CACNG7: variants seen among roughly 807,000 people sequenced by gnomAD.
CACNG7 encodes the protein calcium voltage-gated channel auxiliary subunit gamma 7.
In CACNG7, 9 loss-of-function variants were observed where a neutral mutation model predicts 26.3. The observed-to-expected ratio is 0.34, with a 90% CI of 0.21 to 0.60. The LOEUF is 0.60. CACNG7 is among the 20% of genes least tolerant of loss of function. CACNG7 has a pLI of 0.81. For synonymous variants in CACNG7, 170 were observed against 157.0 expected, an observed-to-expected ratio of 1.08 and a Z score of -0.62; for missense variants, 297 against 380.4, an observed-to-expected ratio of 0.78 and a Z score of 1.82.
Position 53,942,232 on chromosome 19 carries a change from A to T in CACNG7, c.767A>T (p.Gln256Leu). ...AGCGACGTGTCCATCCAAATGACGCAGAACTACCCTCCCGCCATCAAGTAC... is the reference window on the plus strand; with the variant it reads ...AGCGACGTGTCCATCCAAATGACGCTGAACTACCCTCCCGCCATCAAGTAC... ...ISSDVSIQMTQNYPPAIKYPD... is the reference protein window; with the variant it reads ...ISSDVSIQMTLNYPPAIKYPD... Residue 256 changes from glutamine (Q) to leucine (L), a missense_variant, in exon 6 of 6, where the codon CAG (glutamine) becomes CTG (leucine). Transcript: ENST00000391767. The surrounding 1 kb of genome is among the most constrained non-coding windows in gnomAD (Gnocchi z 5.9). 1 of 1,613,964 alleles carries T rather than the reference A, an allele frequency of 6.2e-7. No individual in the cohort carries two copies. Among genetic ancestry groups the T allele is most frequent in the Non-Finnish European group, 8.5e-7 (1 of 1,179,928 alleles).
intron 5 of CACNG7, 137 bp downstream of exon 5, chr19:53,941,752 C>G: frequency 8.8e-7 from 1 of 1,136,874 alleles, no homozygotes; most frequent in Non-Finnish European, 1.2e-6. Flanking sequence ...GAGGGTCTAA[C>G]CCCTGGGTCC....
At chr19:53,926,504 T>C (rs947998029) in intron 4 of CACNG7, among the ~76,000 whole-genome samples, 6 of 152,182 alleles carry the variant, frequency 3.9e-5, no homozygotes, top group African/African-American at 1.4e-4. Context: ...GTACCTAGTA[T>C]TCCCTTACCC....
At chr19:53,911,855 T>A (rs1411215416) in intron 1 of CACNG7, among the ~76,000 whole-genome samples, 1 of 152,022 alleles carries the variant, frequency 6.6e-6, no homozygotes, top group Admixed American at 6.6e-5. Flanking sequence ...TGGGTCAAGT[T>A]CTTGGTGTTA....
Position 53,942,216 on chromosome 19 carries a change from T to C in CACNG7, c.751T>C (p.Ser251Pro), listed in dbSNP as rs1459530779. 3 of 1,613,778 alleles carry C rather than the reference T, an allele frequency of 1.9e-6. No homozygotes were observed. In the Admixed American group the frequency reaches 5.0e-5, roughly 27 times the overall value. ...RSPSDISSDV[S>P]IQMTQNYPPA... ...CCCCTCCGACATCTCCAGCGACGTG[T>C]CCATCCAAATGACGCAGAACTACCC... is the stretch of plus-strand genomic sequence containing the variant. The change falls in exon 6 of 6, where the codon TCC (serine) becomes CCC (proline). Residue 251 changes from serine to proline, a missense_variant. Coordinates refer to ENST00000391767, the MANE Select transcript of CACNG7 (RefSeq NM_031896.5). The surrounding 1 kb of genome is among the most constrained non-coding windows in gnomAD (Gnocchi z 5.9).
chr19:53,916,135 T>C (rs2068895851), intron 4 of CACNG7, among the ~76,000 whole-genome samples: 1 of 152,256 alleles, frequency 6.6e-6, no homozygotes, highest in African/African-American at 2.4e-5. Context: ...CCTTATTGTC[T>C]AGATGCATTT....
chr19:53,942,036 G>T lies in CACNG7; in HGVS notation c.571G>T (p.Gly191Trp). ...GGACTCTGACCTTGCCTTGCCGCAG[G>T]GGGCCGGCGTGATGTCCGTGTACCT... ...FAASSFLLKE[G>W]AGVMSVYLFT... The change falls in exon 6 of 6, where the codon GGG becomes TGG. Residue 191 changes from glycine to tryptophan, a missense_variant and splice_region_variant. Physicochemically the swap from Gly to Trp is radical, Grantham distance 184. Coordinates refer to ENST00000391767, the MANE Select transcript of CACNG7 (RefSeq NM_031896.5). This position sits in a 1 kb window ranked among gnomAD's most constrained non-coding sequence, Gnocchi z 5.9. 6.3e-7 allele frequency: 1 copy of T among 1,584,726 alleles called. No homozygotes were observed. The highest frequency in any genetic ancestry group is 8.6e-7 in the Non-Finnish European group (1 of 1,160,576).
chr19:53,931,708 AG>A (rs1472571704), intron 4 of CACNG7, among the ~76,000 whole-genome samples: 17 of 145,564 alleles, frequency 1.2e-4, no homozygotes, highest in South Asian at 2.2e-4. Flanking sequence ...AAAAAAAAAA[AG>A]AAAGGAAAAA....
chr19:53,941,542 G>C lies in CACNG7; in HGVS notation c.497G>C (p.Ser166Thr), dbSNP rs1433863031. Residue 166 changes from serine to threonine, a missense_variant, in exon 5 of 6, where the codon AGC becomes ACC. Physicochemically the swap from Ser to Thr is moderately conservative, Grantham distance 58 (BLOSUM62 1). Transcript: ENST00000391767. ...GACGAGGTCATGAACAGGCCCAGCA[G>C]CTCTGAGCAGTATTTTCATTATCGC... ...INDEVMNRPS[S>T]SEQYFHYRYG... The C allele has an allele frequency of 9.3e-6, 15 of 1,608,120 alleles. No individual in the cohort carries two copies. The highest frequency in any genetic ancestry group is 1.3e-5 in the Non-Finnish European group (15 of 1,178,166).
chr19:53,922,991 ACTGGTCATTGGTGCAGTTGCCCCAGGC>A (rs1568775850), intron 4 of CACNG7, among the ~76,000 whole-genome samples: 2 of 36,618 alleles, frequency 5.5e-5, no homozygotes, highest in East Asian at 5.3e-4. Context: ...TTGTCCCAGG[ACTGGTCATTGGTGCAGTTGCCCCAGGC>A]CTGGTCATTG....
At chr19:53,929,559 C>T (rs1006604606) in intron 4 of CACNG7, among the ~76,000 whole-genome samples, 3 of 152,224 alleles carry the variant, frequency 2.0e-5, no homozygotes, top group Non-Finnish European at 4.4e-5. Flanking sequence ...CAGGTTCAAG[C>T]GATTCTCCTG....
intron 4 of CACNG7, among the ~76,000 whole-genome samples, chr19:53,920,759 TC>T (rs2068939894): frequency 1.4e-5 from 1 of 70,804 alleles, no homozygotes; most frequent in Non-Finnish European, 2.4e-5. Context: ...TTGCCCCAGG[TC>T]TGGTCATTGG....
At chr19:53,923,966 T>TATTGGTGGAGTTGTCCCCAGGCCTGGTC (rs1599983050) in intron 4 of CACNG7, among the ~76,000 whole-genome samples, 9 of 118,292 alleles carry the variant, frequency 7.6e-5, no homozygotes, top group Non-Finnish European at 1.2e-4. Context: ...CCAGGTCTGG[T>TATTGGTGGAGTTGTCCCCAGGCCTGGTC]ATTGGTGGAG....
intron 4 of CACNG7, among the ~76,000 whole-genome samples, chr19:53,941,002 C>T (rs1031558547): frequency 6.6e-5 from 10 of 150,732 alleles, no homozygotes; most frequent in Non-Finnish European, 1.3e-4. Context: ...TTGAAGGTTG[C>T]GGTGAGCCGA....
At chr19:53,921,329 G>T (rs2068948684) in intron 4 of CACNG7, among the ~76,000 whole-genome samples, 1 of 142,860 alleles carries the variant, frequency 7.0e-6, no homozygotes, top group Non-Finnish European at 1.5e-5. Context: ...TCTGGTCATT[G>T]GTGGACTTGC....
intron 4 of CACNG7, among the ~76,000 whole-genome samples, chr19:53,920,987 A>G (rs2068943213): frequency 1.5e-5 from 1 of 68,954 alleles, no homozygotes; most frequent in African/African-American, 9.2e-5. Flanking sequence ...TCATTGGTGG[A>G]GTTGCCCCAG....
At chr19:53,911,959 T>TGAA (rs745766119) in intron 1 of CACNG7, among the ~76,000 whole-genome samples, 39 of 152,246 alleles carry the variant, frequency 2.6e-4, no homozygotes, top group Admixed American at 5.2e-4. Flanking sequence ...GTCAAGGGTG[T>TGAA]GAAGCCCTGG....
chr19:53,916,192 C>T (rs2068896161), intron 4 of CACNG7, among the ~76,000 whole-genome samples: 2 of 152,182 alleles, frequency 1.3e-5, no homozygotes, highest in Admixed American at 6.5e-5. Flanking sequence ...CTTACGTCAT[C>T]GTACACGTGA....
intron 4 of CACNG7, 152 bp from the exon 5 acceptor site, chr19:53,941,318 T>C (rs1250541870): frequency 6.5e-6 from 5 of 768,470 alleles, no homozygotes; most frequent in South Asian, 2.5e-5. Flanking sequence ...ATCTCTGGGC[T>C]CCCTGCACCC....
At chr19:53,924,029 G>A (rs2068995808) in intron 4 of CACNG7, among the ~76,000 whole-genome samples, 1 of 145,158 alleles carries the variant, frequency 6.9e-6, no homozygotes, top group Non-Finnish European at 1.5e-5. Context: ...GGTCATTGGT[G>A]GAGTTGCCCC....
Sources: allele counts gnomAD v4.1 joint callset (sites outside exome capture counted in the v4.1 genomes callset), GRCh38; gene constraint gnomAD v4.1.1; non-coding constraint Gnocchi (gnomAD v3.1); transcripts MANE v1.5; gene names NCBI Gene and HGNC (gene_info 2026-07-23, HGNC 2026-07-21).